Variants in INPP5F observed in about 807,000 individuals in gnomAD.
The protein encoded by INPP5F is phosphatidylinositide 4-phosphatase SAC2.
Under a neutral mutation model 137.2 loss-of-function variants are expected in INPP5F, and 97 were observed. The observed-to-expected ratio is 0.71, with a 90% CI of 0.60 to 0.84. The LOEUF (loss-of-function observed/expected upper bound fraction) is 0.84. INPP5F is among the 40% of genes least tolerant of loss of function. INPP5F has a pLI of 0.00. For synonymous variants in INPP5F, 504 were observed against 476.9 expected, an observed-to-expected ratio of 1.06 and a Z score of -0.74; for missense variants, 1,271 against 1,371.9, an observed-to-expected ratio of 0.93 and a Z score of 1.16.
At chr10:119,730,169 G>A (rs1448720925) in intron 1 of INPP5F, among the ~76,000 whole-genome samples, 2 of 152,016 alleles carry the variant, frequency 1.3e-5, no homozygotes, top group African/African-American at 4.8e-5. Flanking sequence ...GAGTGCAATG[G>A]TGCGATCTCG....
Position 119,804,164 on chromosome 10 carries a change from C to A in INPP5F, c.1117-9C>A. The A allele has an allele frequency of 6.3e-7, 1 of 1,579,142 alleles. No individual in the cohort carries two copies. Among genetic ancestry groups the A allele is most frequent in the Non-Finnish European group, 8.6e-7 (1 of 1,164,114 alleles). On this transcript the variant is annotated splice_polypyrimidine_tract_variant and intron_variant, in intron 9 of 19. Coordinates refer to ENST00000650623, the MANE Select transcript of INPP5F (RefSeq NM_014937.4). ...TAACTAAATTTTTTCTGTTTCTTTG[C>A]TCTTATAGGTTATTATTAACTTGGT...
intron 2 of INPP5F, among the ~76,000 whole-genome samples, chr10:119,769,325 G>A (rs923720284): frequency 4.6e-5 from 7 of 152,076 alleles, no homozygotes; most frequent in African/African-American, 1.4e-4. Flanking sequence ...TTGAGACAGT[G>A]TCTCACTATG....
intron 2 of INPP5F, among the ~76,000 whole-genome samples, chr10:119,760,912 C>T (rs1199483265): frequency 6.6e-6 from 1 of 152,120 alleles, no homozygotes; most frequent in East Asian, 1.9e-4. Flanking sequence ...AGTATTGAAG[C>T]TTTCAATAAA....
rs114505611 is a variant in INPP5F, at chr10:119,788,464, A to G, written c.316-3053A>G. ...CAGCCAGAGATGGGGAAGGACCCCG[A>G]GAGATTGTTGTCATGGGGACCAGAG... is the stretch of plus-strand genomic sequence containing the variant. On this transcript the variant is annotated intron_variant, in intron 3 of 19. Transcript: ENST00000650623. Among the ~76,000 whole-genome samples the G allele has an allele frequency of 3.5e-3, 538 of 152,284 alleles. 4 individuals are homozygous for G. Among genetic ancestry groups the G allele is most frequent in the African/African-American group, 0.012 (519 of 41,556 alleles).
Position 119,827,966 on chromosome 10 carries a change from A to C in INPP5F, c.*186A>C. ...ACAGCCAGGACTACAGAAGTGCATC[A>C]TTCTAGAATGTGTAGACCTGAGTAG... On this transcript the variant is annotated 3_prime_UTR_variant, in exon 20 of 20. Transcript: ENST00000650623. 1 of 556,552 alleles carries C rather than the reference A, an allele frequency of 1.8e-6. No homozygotes were observed. Among genetic ancestry groups the C allele is most frequent in the South Asian group, 2.1e-5 (1 of 47,560 alleles). The allele number at this position is 556,552 out of a possible 1,614,324, so 34.5% of individuals were successfully genotyped here.
At chr10:119,772,750 A>T (rs1296058509) in intron 2 of INPP5F, among the ~76,000 whole-genome samples, 1 of 148,374 alleles carries the variant, frequency 6.7e-6, no homozygotes, top group Non-Finnish European at 1.5e-5. Context: ...CATTGTTTTA[A>T]TTTTTTTTTT....
rs1261046265 is a variant in INPP5F, at chr10:119,828,600, T to G, written c.*820T>G. 6.6e-6 allele frequency: 1 copy of G among 152,182 alleles called. No homozygotes were observed. The highest frequency in any genetic ancestry group is 2.4e-5 in the African/African-American group (1 of 41,440). The allele number at this position is 152,182 out of a possible 1,614,324, so 9.4% of individuals were successfully genotyped here. ...ATGTAGATGATCCACAACTTCAAAATTTAGTCTGGGCCTAGTGCAGTGGCT... is the reference window on the plus strand; with the variant it reads ...ATGTAGATGATCCACAACTTCAAAAGTTAGTCTGGGCCTAGTGCAGTGGCT... On this transcript the variant is annotated 3_prime_UTR_variant, in exon 20 of 20. Transcript: ENST00000650623.
At chr10:119,741,798 G>A (rs1848383228) in intron 1 of INPP5F, among the ~76,000 whole-genome samples, 1 of 152,062 alleles carries the variant, frequency 6.6e-6, no homozygotes, top group African/African-American at 2.4e-5. Flanking sequence ...GCCTTCCAAA[G>A]TGTTGGGATT....
At chr10:119,738,832 A>G (rs1402300099) in intron 1 of INPP5F, among the ~76,000 whole-genome samples, 1 of 152,104 alleles carries the variant, frequency 6.6e-6, no homozygotes, top group East Asian at 1.9e-4. Flanking sequence ...TATTAGTATG[A>G]GAAGTTTTGT....
intron 1 of INPP5F, among the ~76,000 whole-genome samples, chr10:119,728,296 A>G (rs956467182): frequency 6.6e-6 from 1 of 152,242 alleles, no homozygotes; most frequent in African/African-American, 2.4e-5. Flanking sequence ...GGAATAAAGA[A>G]TCCCATGCAC....
intron 8 of INPP5F, among the ~76,000 whole-genome samples, chr10:119,798,136 A>C (rs1335033450): frequency 6.6e-6 from 1 of 151,836 alleles, no homozygotes; most frequent in Non-Finnish European, 1.5e-5. Flanking sequence ...ATCTAATTAG[A>C]TTACTGAATG....
At chr10:119,810,298 A>G in intron 14 of INPP5F, 81 bp downstream of exon 14, 1 of 725,516 alleles carries the variant, frequency 1.4e-6, no homozygotes, top group South Asian at 1.7e-5. Context: ...CTTCATTAAC[A>G]TAATTCATAT....
intron 1 of INPP5F, among the ~76,000 whole-genome samples, chr10:119,736,396 C>T (rs968968810): frequency 3.3e-5 from 5 of 152,160 alleles, no homozygotes; most frequent in African/African-American, 1.2e-4. Flanking sequence ...GAACTTCTGG[C>T]CTCAAGCAGT....
Position 119,797,504 on chromosome 10 carries a change from T to G in INPP5F, c.912T>G (p.Val304=). The stretch of plus-strand genomic sequence containing the variant: ...GAGGAGTGGATAAAAATGGAAATGT[T>G]GCCAATTATGTGGAGACTGAGCAGT... ...KRRGVDKNGN[V]ANYVETEQLI... The change falls in exon 8 of 20, where the codon GTT becomes GTG. Residue 304 remains valine, a synonymous_variant. Transcript: ENST00000650623. 6 of 1,612,492 alleles carry G rather than the reference T, an allele frequency of 3.7e-6. No individual in the cohort carries two copies. The highest frequency in any genetic ancestry group is 5.1e-6 in the Non-Finnish European group (6 of 1,179,170).
intron 1 of INPP5F, among the ~76,000 whole-genome samples, chr10:119,734,168 A>G (rs1848160226): frequency 6.6e-6 from 1 of 152,248 alleles, no homozygotes; most frequent in Non-Finnish European, 1.5e-5. Context: ...AATGGGACCC[A>G]TAGACATCTT....
intron 2 of INPP5F, among the ~76,000 whole-genome samples, chr10:119,767,449 A>G (rs1444204130): frequency 6.6e-6 from 1 of 152,206 alleles, no homozygotes; most frequent in Non-Finnish European, 1.5e-5. Context: ...TATTGTAAAA[A>G]GCTCATAAAG....
rs10749329 is a variant in INPP5F, at chr10:119,748,899, C to G, written c.98-2177C>G. Among the ~76,000 whole-genome samples, 84,878 of 152,034 alleles carry G rather than the reference C, an allele frequency of 0.56. 23,939 individuals carry two copies. Among genetic ancestry groups the G allele is most frequent in the East Asian group, 0.68 (3,475 of 5,146 alleles). On this transcript the variant is annotated intron_variant, in intron 1 of 19. Transcript: ENST00000650623. This position sits in a 1 kb window ranked among gnomAD's most constrained non-coding sequence, Gnocchi z 4.7. ...TCTGGACAGGAACCTGTGTCTGTCT[C>G]CCTCCACTGCCCAGGCTGTTTGGGC...
chr10:119,772,372 T>C (rs892608300), intron 2 of INPP5F, among the ~76,000 whole-genome samples: 4 of 152,200 alleles, frequency 2.6e-5, no homozygotes, highest in Non-Finnish European at 5.9e-5. Flanking sequence ...GATGGAAAAT[T>C]ACCGAGAGGA....
At chr10:119,773,481 C>T (rs1054149756) in intron 2 of INPP5F, among the ~76,000 whole-genome samples, 40 of 152,184 alleles carry the variant, frequency 2.6e-4, no homozygotes, top group South Asian at 2.1e-4. Context: ...ACCCAATAGA[C>T]GGTTTTCTAA....
Sources: gnomAD v4.1 joint callset for allele counts (sites outside exome capture counted in the v4.1 genomes callset) on GRCh38, gnomAD v4.1.1 for gene constraint, Gnocchi (gnomAD v3.1) non-coding constraint, MANE v1.5 for transcripts, NCBI Gene and HGNC (gene_info 2026-07-23, HGNC 2026-07-21) for gene names.